The following RNF20 variants were observed in gnomAD, a reference collection of about 807,000 sequenced individuals.
RNF20 encodes the protein E3 ubiquitin-protein ligase BRE1A.
A neutral mutation model predicts 126.2 loss-of-function variants in RNF20; 84 were observed. The ratio of observed to expected loss-of-function variants is 0.67; its 90% CI spans 0.56 to 0.80. The LOEUF (loss-of-function observed/expected upper bound fraction) is 0.80, where lower values mean the gene tolerates loss of function less well. RNF20 is among the 30% of genes least tolerant of loss of function. RNF20 has a pLI of 0.00. For missense variants in RNF20, 869 were observed against 1,188.2 expected, an observed-to-expected ratio of 0.73 and a Z score of 3.95; for synonymous variants, 400 against 414.3, an observed-to-expected ratio of 0.97 and a Z score of 0.42.
chr9:101,540,660 A>G lies in RNF20; in HGVS notation c.445+23A>G, dbSNP rs373452971. On this transcript the variant is annotated intron_variant, in intron 4 of 19. Transcript: ENST00000389120. ...GAGGCAAGTGTTCGTGATGGATTCT[A>G]TCACTGCATGCTATCTGGGTTTTTA... 4.6e-4 allele frequency: 745 copies of G among 1,613,166 alleles called. 1 individual carries two copies. The highest frequency in any genetic ancestry group is 5.9e-4 in the Non-Finnish European group (697 of 1,179,490).
At chr9:101,537,391 G>A (rs1827200698) in intron 2 of RNF20, among the ~76,000 whole-genome samples, 1 of 152,092 alleles carries the variant, frequency 6.6e-6, no homozygotes, top group Non-Finnish European at 1.5e-5. Context: ...CAGATTTTTG[G>A]GAGTCATGGA....
At position 101,562,270 on chromosome 9, in the gene RNF20, A is replaced by G. The variant is rs1402001913; in HGVS notation, c.2776A>G (p.Asn926Asp). The G allele has an allele frequency of 6.2e-7, 1 of 1,613,968 alleles. No individual in the cohort carries two copies. Among genetic ancestry groups the G allele is most frequent in the Admixed American group, 1.7e-5 (1 of 60,000 alleles). Residue 926 changes from asparagine to aspartate, a missense_variant, in exon 20 of 20, where the codon AAC becomes GAC. By Grantham distance (23) the Asn-to-Asp change is conservative. This residue lies in a region of RNF20 where 36 missense variants were observed against 85.6 expected (regional missense o/e 0.42). Coordinates refer to ENST00000389120, the MANE Select transcript of RNF20 (RefSeq NM_019592.7). ...GGCACGCTTGACCTGTCCGTGCTGTAACATGCGTAAAAAGGATGCTGTTCT... is the reference window on the plus strand; with the variant it reads ...GGCACGCTTGACCTGTCCGTGCTGTGACATGCGTAAAAAGGATGCTGTTCT... ...YKARLTCPCC[N>D]MRKKDAVLTK...
chr9:101,562,101 A>C, intron 19 of RNF20, 90 bp downstream of exon 19: 3 of 1,299,222 alleles, frequency 2.3e-6, no homozygotes, highest in Middle Eastern at 2.0e-4. Flanking sequence ...TAGTAACCAG[A>C]GAATGGTTTA....
intron 18 of RNF20, 133 bp downstream of exon 18, chr9:101,561,363 G>C: frequency 1.1e-6 from 1 of 934,992 alleles, no homozygotes; most frequent in Admixed American, 2.4e-5. Flanking sequence ...TGAGGGAAGA[G>C]AGTAAGTCTG....
intron 5 of RNF20, 65 bp from the exon 6 acceptor site, chr9:101,544,702 G>A (rs1166101022): frequency 2.2e-5 from 24 of 1,067,062 alleles, no homozygotes; most frequent in Middle Eastern, 4.4e-4. Context: ...GCAAGACTCC[G>A]TCTTAAAAAA....
rs1047906670 is a variant in RNF20, at chr9:101,560,739, A to G, written c.2383-62A>G. The G allele has an allele frequency of 2.7e-6, 4 of 1,493,510 alleles. No individual in the cohort carries two copies. In the African/African-American group the frequency reaches 5.7e-5, roughly 21 times the overall value. 92.5% of individuals were successfully genotyped at this position (1,493,510 alleles called of 1,614,324 possible). A position where few individuals can be genotyped will look rare whatever the true frequency, so the allele number is the denominator to read the frequency against. ...ATTTTGTGGGCTTATAGATTAACAG[A>G]ATAGTTTTTTTTCTTTTTTTAATCT... On this transcript the variant is annotated intron_variant, in intron 16 of 19. Coordinates refer to ENST00000389120, the MANE Select transcript of RNF20 (RefSeq NM_019592.7).
chr9:101,541,842 AAT>A (rs1317624226), intron 5 of RNF20, among the ~76,000 whole-genome samples: 2 of 152,232 alleles, frequency 1.3e-5, no homozygotes, highest in Non-Finnish European at 2.9e-5. Context: ...TTTGAAATAA[AAT>A]AATTATTTGG....
At chr9:101,536,348 T>G (rs1286371371) in intron 2 of RNF20, among the ~76,000 whole-genome samples, 3 of 152,258 alleles carry the variant, frequency 2.0e-5, no homozygotes, top group Non-Finnish European at 4.4e-5. Flanking sequence ...TTACATTTTG[T>G]AAAATGCTTT....
At chr9:101,553,865 G>T in intron 13 of RNF20, 123 bp from the exon 14 acceptor site, 1 of 560,832 alleles carries the variant, frequency 1.8e-6, no homozygotes, top group Non-Finnish European at 3.2e-6. Context: ...TTATCTTTTA[G>T]GTGTGATATG....
Position 101,560,901 on chromosome 9 carries a change from A to C in RNF20, c.2483A>C (p.Gln828Pro). The C allele has an allele frequency of 6.2e-7, 1 of 1,612,788 alleles. No individual in the cohort carries two copies. Among genetic ancestry groups the C allele is most frequent in the Non-Finnish European group, 8.5e-7 (1 of 1,179,488 alleles). The change falls in exon 17 of 20, where the codon CAA (glutamine) becomes CCA (proline). Residue 828 changes from glutamine (Q) to proline (P), a missense_variant. By Grantham distance (76) the Gln-to-Pro change is moderately conservative. Transcript: ENST00000389120. ...GAGAAAGAGCTGGGTCTTAGGACCC[A>C]AGCCTTAGAGATGAATAAACGCAAG... ...TGEKELGLRT[Q>P]ALEMNKRKAM... is the part of the protein sequence containing the mutation.
chr9:101,539,346 C>T, intron 2 of RNF20, among the ~76,000 whole-genome samples: 1 of 152,006 alleles, frequency 6.6e-6, no homozygotes, highest in East Asian at 1.9e-4. Flanking sequence ...AGCCAGATAA[C>T]TGGATTAATT....
intron 10 of RNF20, 58 bp from the exon 11 acceptor site, chr9:101,551,623 TATG>T: frequency 5.0e-6 from 4 of 805,216 alleles, no homozygotes; most frequent in South Asian, 5.3e-5. Context: ...ATCCATAGAA[TATG>T]ATGATATTTC....
chr9:101,536,283 C>T (rs559123766), intron 2 of RNF20, among the ~76,000 whole-genome samples: 25 of 152,250 alleles, frequency 1.6e-4, no homozygotes, highest in African/African-American at 5.8e-4. Context: ...TTTTGATCTA[C>T]GTCAAGATTT....
intron 14 of RNF20, 40 bp downstream of exon 14, chr9:101,554,145 C>T (rs373298257): frequency 7.8e-5 from 91 of 1,170,870 alleles, no homozygotes; most frequent in Non-Finnish European, 1.1e-4. Context: ...TGGTTAAAAT[C>T]TTCATTTGTG....
At chr9:101,544,156 A>G (rs988953143) in intron 5 of RNF20, among the ~76,000 whole-genome samples, 1 of 152,230 alleles carries the variant, frequency 6.6e-6, no homozygotes, top group African/African-American at 2.4e-5. Flanking sequence ...ACTTGGTGTA[A>G]TAAGTTCTAT....
chr9:101,558,683 G>A (rs918964844), intron 16 of RNF20, among the ~76,000 whole-genome samples: 3 of 152,074 alleles, frequency 2.0e-5, no homozygotes, highest in African/African-American at 7.2e-5. Flanking sequence ...TCTTATGTTC[G>A]TTGGCCATTT....
Position 101,540,957 on chromosome 9 carries a change from C to T in RNF20, c.610C>T (p.Arg204Trp), listed in dbSNP as rs145275546. The change falls in exon 5 of 20, where the codon CGG (arginine) becomes TGG (tryptophan). Residue 204 changes from arginine to tryptophan, a missense_variant. Transcript: ENST00000389120. ...KLQEKVELLS[R>W]KLNSGDNLIV... ...GCAAGAAAAAGTGGAGCTCTTATCCCGGAAGCTAAACAGTGGAGGTGAGGC... is the reference window on the plus strand; with the variant it reads ...GCAAGAAAAAGTGGAGCTCTTATCCTGGAAGCTAAACAGTGGAGGTGAGGC... 2.2e-5 allele frequency: 35 copies of T among 1,613,908 alleles called. No individual in the cohort carries two copies. Among genetic ancestry groups the T allele is most frequent in the African/African-American group, 6.7e-5 (5 of 74,994 alleles).
At chr9:101,550,915 T>G in intron 10 of RNF20, 130 bp downstream of exon 10, 1 of 845,584 alleles carries the variant, frequency 1.2e-6, no homozygotes, top group East Asian at 2.5e-5. Context: ...AGGTCTTTAC[T>G]CTGGTAGGTA....
chr9:101,560,478 TTTGTTTGAGTTCTA>T (rs1827607763), intron 16 of RNF20, among the ~76,000 whole-genome samples: 1 of 152,174 alleles, frequency 6.6e-6, no homozygotes, highest in Non-Finnish European at 1.5e-5. Context: ...CTCTTGGACT[TTTGTTTGAGTTCTA>T]ATTTATATGT....
Sources: gnomAD v4.1 joint callset for allele counts (sites outside exome capture counted in the v4.1 genomes callset) on GRCh38, gnomAD v4.1.1 for gene constraint, gnomAD v4.1.1 regional missense constraint, MANE v1.5 for transcripts, NCBI Gene and HGNC (gene_info 2026-07-23, HGNC 2026-07-21) for gene names.